The following BCAR3 variants were observed in gnomAD, a reference collection of about 807,000 sequenced individuals.
BCAR3 encodes the protein breast cancer anti-estrogen resistance protein 3.
Under a neutral mutation model 80.1 loss-of-function variants are expected in BCAR3, and 37 were observed. The observed-to-expected ratio is 0.46, with a 90% CI of 0.36 to 0.61. The LOEUF is 0.61. Ranked by LOEUF, BCAR3 falls within the 20% of genes least tolerant of loss-of-function variation. The probability of loss-of-function intolerance (pLI) is 0.00; values close to 1 mark genes in which losing one functional copy is unlikely to be tolerated. For missense variants in BCAR3, 978 were observed against 1,068.2 expected (o/e 0.92, Z 1.18); for synonymous variants, 389 against 418.9 (o/e 0.93, Z 0.87).
chr1:93,776,292 TC>T (rs963985001), intron 2 of BCAR3, among the ~76,000 whole-genome samples: 2 of 152,058 alleles, frequency 1.3e-5, no homozygotes, highest in Non-Finnish European at 2.9e-5. Context: ...AACCCCCATG[TC>T]CCCACCACCA....
intron 2 of BCAR3, among the ~76,000 whole-genome samples, chr1:93,748,465 C>T (rs1385755569): frequency 6.6e-6 from 1 of 152,208 alleles, no homozygotes; most frequent in Non-Finnish European, 1.5e-5. Context: ...TAGCACTGCA[C>T]CTGACTCCAT....
chr1:93,567,553 G>C, intron 10 of BCAR3, 62 bp from the exon 11 acceptor site: 1 of 1,566,346 alleles, frequency 6.4e-7, no homozygotes, highest in Non-Finnish European at 8.7e-7. Context: ...CACAGAATGA[G>C]GTGACTCATA....
chr1:93,696,614 T>C (rs1649417323), intron 3 of BCAR3, among the ~76,000 whole-genome samples: 1 of 152,158 alleles, frequency 6.6e-6, no homozygotes, highest in African/African-American at 2.4e-5. Flanking sequence ...CCCAGAGTGA[T>C]GTTTCTGAAA....
intron 3 of BCAR3, among the ~76,000 whole-genome samples, chr1:93,634,458 G>A (rs1349485691): frequency 2.0e-5 from 3 of 151,960 alleles, no homozygotes; most frequent in Admixed American, 1.3e-4. Flanking sequence ...TTGGGAGGTC[G>A]AGGTGGGTGG....
chr1:93,582,666 C>T lies in BCAR3; in HGVS notation c.1321G>A (p.Gly441Ser), dbSNP rs368993972. Residue 441 changes from glycine to serine, a missense_variant, in exon 7 of 12, where the codon GGC becomes AGC. Coordinates refer to ENST00000260502, the MANE Select transcript of BCAR3 (RefSeq NM_003567.4). ...CATGAGGGTAGCTTTGCTCCCCTGC[C>T]GCAGCCTGTGGCAAACGCTGGGTTC... ...ELNPAFATGC[G>S]RGAKLPSCAQ... The T allele has an allele frequency of 2.9e-5, 47 of 1,614,054 alleles. No homozygotes were observed. The African/African-American group carries it at 3.9e-4, about 13-fold the overall frequency.
At chr1:93,633,042 T>A (rs1056401890) in intron 3 of BCAR3, among the ~76,000 whole-genome samples, 2 of 152,114 alleles carry the variant, frequency 1.3e-5, no homozygotes, top group African/African-American at 2.4e-5. Context: ...TATTAAAATA[T>A]AAAATCCACT....
At chr1:93,712,031 TACTG>T (rs925776706) in intron 2 of BCAR3, among the ~76,000 whole-genome samples, 4 of 152,210 alleles carry the variant, frequency 2.6e-5, no homozygotes, top group African/African-American at 9.6e-5. Flanking sequence ...AAATTTCGTT[TACTG>T]ACTGTGTGAT....
In BCAR3 at chr1:93,674,840, T is replaced by C. The variant is rs867162991; in HGVS notation, c.91A>G (p.Arg31Gly). The change falls in exon 2 of 12, where the codon AGG (arginine) becomes GGG (glycine). Residue 31 changes from arginine to glycine, a missense_variant. By Grantham distance (125) the Arg-to-Gly change is moderately radical. Transcript: ENST00000260502. ...LASSMDLLSS[R>G]SPLAEHRPDA... ...GGGCGATGCTCAGCGAGAGGGGACC[T>C]GCTGCTCAGAAGGTCCATGGATGAG... The C allele has an allele frequency of 2.5e-6, 4 of 1,604,084 alleles. No homozygotes were observed. Among genetic ancestry groups the C allele is most frequent in the Non-Finnish European group, 3.4e-6 (4 of 1,176,266 alleles).
intron 2 of BCAR3, among the ~76,000 whole-genome samples, chr1:93,823,835 G>C (rs1343471769): frequency 7.5e-6 from 1 of 133,760 alleles, no homozygotes; most frequent in Non-Finnish European, 1.7e-5. Context: ...AAGTAGCTGG[G>C]ATTACAGGCA....
At chr1:93,719,909 T>C (rs893056931) in intron 2 of BCAR3, among the ~76,000 whole-genome samples, 1 of 152,216 alleles carries the variant, frequency 6.6e-6, no homozygotes, top group African/African-American at 2.4e-5. Context: ...CAATTTTTTA[T>C]TTTAGAGACA....
chr1:93,588,852 G>A, intron 5 of BCAR3, 125 bp downstream of exon 5: 4 of 1,076,658 alleles, frequency 3.7e-6, no homozygotes, highest in Non-Finnish European at 5.2e-6. Context: ...CAGCTATTCT[G>A]CGAACAGTCG....
chr1:93,789,772 G>C (rs1290254664), intron 2 of BCAR3, among the ~76,000 whole-genome samples: 1 of 152,186 alleles, frequency 6.6e-6, no homozygotes, highest in Non-Finnish European at 1.5e-5. Context: ...AAAGCCCCTT[G>C]TTTTATGCTA....
chr1:93,820,519 G>A (rs1426374467), intron 2 of BCAR3, among the ~76,000 whole-genome samples: 5 of 152,178 alleles, frequency 3.3e-5, no homozygotes, highest in Admixed American at 2.0e-4. Context: ...TGCTTACTCT[G>A]ATTAGTTTAT....
At chr1:93,807,054 G>A (rs902401631) in intron 2 of BCAR3, among the ~76,000 whole-genome samples, 45 of 152,034 alleles carry the variant, frequency 3.0e-4, no homozygotes, top group African/African-American at 1.1e-3. Context: ...GCAGTGAGAG[G>A]AGATCATGCC....
At chr1:93,832,515 G>A (rs1178026820) in intron 2 of BCAR3, among the ~76,000 whole-genome samples, 2 of 152,172 alleles carry the variant, frequency 1.3e-5, no homozygotes, top group Non-Finnish European at 2.9e-5. Flanking sequence ...GATCTTCTCG[G>A]CTTAGCAGCT....
chr1:93,583,139 A>G (rs1444613529), intron 6 of BCAR3, among the ~76,000 whole-genome samples, 186 bp from the exon 7 acceptor site: 1 of 152,168 alleles, frequency 6.6e-6, no homozygotes, highest in African/African-American at 2.4e-5. Context: ...CAGCATCGTG[A>G]GGGCTGGGCT....
chr1:93,634,613 T>C (rs1675720660), intron 3 of BCAR3, among the ~76,000 whole-genome samples: 1 of 151,892 alleles, frequency 6.6e-6, no homozygotes, highest in South Asian at 2.1e-4. Context: ...GAGAATTGCT[T>C]GAACCGAGGA....
At chr1:93,837,262 CTGAGG>C (rs1228736939) in intron 2 of BCAR3, among the ~76,000 whole-genome samples, 1 of 152,152 alleles carries the variant, frequency 6.6e-6, no homozygotes, top group Non-Finnish European at 1.5e-5. Flanking sequence ...ATTACCCTGT[CTGAGG>C]TATGTCTTTA....
chr1:93,821,352 TAG>T (rs1180196812), intron 2 of BCAR3, among the ~76,000 whole-genome samples: 1 of 152,192 alleles, frequency 6.6e-6, no homozygotes, highest in Non-Finnish European at 1.5e-5. Flanking sequence ...GAAAGGCCTG[TAG>T]AGAGCTCTGT....
Sources: gnomAD v4.1 joint callset for allele counts (sites outside exome capture counted in the v4.1 genomes callset) on GRCh38, gnomAD v4.1.1 for gene constraint, MANE v1.5 for transcripts, NCBI Gene and HGNC (gene_info 2026-07-23, HGNC 2026-07-21) for gene names.